CCDC60: variants seen among roughly 807,000 people sequenced by gnomAD.
The protein encoded by CCDC60 is coiled-coil domain containing 60.
Under a neutral mutation model 63.5 loss-of-function variants are expected in CCDC60, and 54 were observed. The ratio of observed to expected loss-of-function variants is 0.85; its 90% CI spans 0.68 to 1.07. CCDC60 has a LOEUF of 1.07. Ranked by LOEUF, CCDC60 falls within the 50% of genes least tolerant of loss-of-function variation. CCDC60 has a pLI of 0.00. For synonymous variants in CCDC60, 206 were observed against 238.8 expected (o/e 0.86, Z 1.27); for missense variants, 651 against 684.3 (o/e 0.95, Z 0.54).
chr12:119,498,352 G>A (rs536818803), intron 5 of CCDC60, among the ~76,000 whole-genome samples: 2 of 151,382 alleles, frequency 1.3e-5, no homozygotes, highest in East Asian at 3.9e-4. Flanking sequence ...CTTTTTTTGA[G>A]ACGGAGTTTC....
At chr12:119,540,561 G>A (rs1953133578) in intron 13 of CCDC60, 53 bp from the exon 14 acceptor site, 1 of 1,254,158 alleles carries the variant, frequency 8.0e-7, no homozygotes, top group Non-Finnish European at 1.2e-6. Context: ...GAGAGAAGGT[G>A]GAGTCTACTT....
chr12:119,532,224 T>G (rs1952864685), intron 13 of CCDC60, among the ~76,000 whole-genome samples: 1 of 152,066 alleles, frequency 6.6e-6, no homozygotes. Context: ...CACCTTCTAT[T>G]TACCAGTTAT....
At chr12:119,335,814 T>C (rs1444688451) in intron 1 of CCDC60, among the ~76,000 whole-genome samples, 1 of 151,046 alleles carries the variant, frequency 6.6e-6, no homozygotes, top group Non-Finnish European at 1.5e-5. Flanking sequence ...TTAGATCCCT[T>C]TTGTCAATTT....
At chr12:119,371,552 G>T (rs1014891221) in intron 1 of CCDC60, among the ~76,000 whole-genome samples, 1 of 152,224 alleles carries the variant, frequency 6.6e-6, no homozygotes, top group African/African-American at 2.4e-5. Context: ...CATGTCTACC[G>T]CTTAAAAGCC....
Position 119,458,437 on chromosome 12 carries a change from A to AT in CCDC60, c.171-13548dup, listed in dbSNP as rs201093698. Among the ~76,000 whole-genome samples the AT allele has an allele frequency of 5.8e-3, 876 of 151,494 alleles. 8 individuals carry two copies. Among genetic ancestry groups the AT allele is most frequent in the African/African-American group, 0.02 (836 of 41,334 alleles). ...CCATTAAAAGTTTATTTTTATTTTT[A>AT]TTTTTTTTTAAGTACATCTGGGCTC... On this transcript the variant is annotated intron_variant, in intron 2 of 13. Coordinates refer to ENST00000327554, the MANE Select transcript of CCDC60 (RefSeq NM_178499.5).
intron 1 of CCDC60, among the ~76,000 whole-genome samples, chr12:119,368,265 C>T (rs112543376): frequency 7.8e-4 from 118 of 152,014 alleles, no homozygotes; most frequent in Middle Eastern, 3.4e-3. Flanking sequence ...AAGAAGAAGA[C>T]GGCTCTGATG....
chr12:119,395,706 A>T (rs1956239924), intron 1 of CCDC60, among the ~76,000 whole-genome samples: 1 of 152,228 alleles, frequency 6.6e-6, no homozygotes, highest in African/African-American at 2.4e-5. Flanking sequence ...ATAACCAATG[A>T]TCACAAATGG....
intron 12 of CCDC60, among the ~76,000 whole-genome samples, chr12:119,530,494 A>G (rs1170783668): frequency 6.6e-6 from 1 of 152,190 alleles, no homozygotes; most frequent in African/African-American, 2.4e-5. Context: ...GAGAGCCTCC[A>G]GCATCCTAGT....
chr12:119,537,283 C>G (rs1179635626), intron 13 of CCDC60, among the ~76,000 whole-genome samples: 1 of 152,216 alleles, frequency 6.6e-6, no homozygotes, highest in Non-Finnish European at 1.5e-5. Flanking sequence ...GTCTTCTCTT[C>G]ACTGTTTATT....
Position 119,420,093 on chromosome 12 carries a change from G to A in CCDC60, c.91-8590G>A, listed in dbSNP as rs1956785076. ...GGGTTTCACCGTGTTAGCCGGGATG[G>A]TCTCGAACTCCTGACCTCGTGATCC... On this transcript the variant is annotated intron_variant, in intron 1 of 13. Coordinates refer to ENST00000327554, the MANE Select transcript of CCDC60 (RefSeq NM_178499.5). This position sits in a 1 kb window ranked among gnomAD's most constrained non-coding sequence, Gnocchi z 4.1. Among the ~76,000 whole-genome samples the A allele has an allele frequency of 6.6e-6, 1 of 151,982 alleles. No individual in the cohort carries two copies. Among genetic ancestry groups the A allele is most frequent in the South Asian group, 2.1e-4 (1 of 4,818 alleles).
intron 1 of CCDC60, among the ~76,000 whole-genome samples, chr12:119,408,939 T>C (rs145563714): frequency 6.6e-6 from 1 of 152,318 alleles, no homozygotes; most frequent in Non-Finnish European, 1.5e-5. Flanking sequence ...AAGCTGGTTT[T>C]CCCCAGATCA....
chr12:119,394,163 A>C (rs1956209452), intron 1 of CCDC60, among the ~76,000 whole-genome samples: 1 of 152,202 alleles, frequency 6.6e-6, no homozygotes, highest in Admixed American at 6.5e-5. Context: ...ACCGCAAAGC[A>C]AGTATTGTTA....
chr12:119,407,180 T>A (rs552212200), intron 1 of CCDC60, among the ~76,000 whole-genome samples: 1 of 152,076 alleles, frequency 6.6e-6, no homozygotes, highest in South Asian at 2.1e-4. Flanking sequence ...AGAAGCCAGG[T>A]GGCCAAGTGC....
At chr12:119,389,992 G>A (rs1470314631) in intron 1 of CCDC60, among the ~76,000 whole-genome samples, 7 of 152,130 alleles carry the variant, frequency 4.6e-5, no homozygotes. Flanking sequence ...TTTCTCCAGA[G>A]GGAAATATGT....
intron 1 of CCDC60, among the ~76,000 whole-genome samples, chr12:119,386,501 G>GAAA (rs56754949): frequency 7.0e-6 from 1 of 142,730 alleles, no homozygotes; most frequent in African/African-American, 2.6e-5. Context: ...TCCACTCTAA[G>GAAA]AAAAAAAAAA....
At chr12:119,538,449 T>C (rs768718702) in intron 13 of CCDC60, among the ~76,000 whole-genome samples, 37 of 152,234 alleles carry the variant, frequency 2.4e-4, no homozygotes, top group Non-Finnish European at 4.7e-4. Context: ...CCCAATGAGA[T>C]GAACCAGGTA....
intron 1 of CCDC60, among the ~76,000 whole-genome samples, chr12:119,341,460 A>C (rs1267276624): frequency 1.3e-5 from 2 of 152,236 alleles, no homozygotes; most frequent in African/African-American, 4.8e-5. Flanking sequence ...GGTGGGTTCA[A>C]ATCCTCTTTT....
intron 1 of CCDC60, among the ~76,000 whole-genome samples, chr12:119,346,828 C>CT (rs1302317973): frequency 1.0e-5 from 1 of 96,770 alleles, no homozygotes; most frequent in Admixed American, 1.1e-4. Context: ...TTCTTTCTTT[C>CT]TTTCTTTTTT....
intron 2 of CCDC60, among the ~76,000 whole-genome samples, chr12:119,460,314 A>G (rs1186808257): frequency 6.6e-6 from 1 of 152,224 alleles, no homozygotes; most frequent in Non-Finnish European, 1.5e-5. Flanking sequence ...GTCTGAGGCA[A>G]CTTCTTTCTT....
Sources: allele counts gnomAD v4.1 joint callset (sites outside exome capture counted in the v4.1 genomes callset), GRCh38; gene constraint gnomAD v4.1.1; non-coding constraint Gnocchi (gnomAD v3.1); transcripts MANE v1.5; gene names NCBI Gene and HGNC (gene_info 2026-07-23, HGNC 2026-07-21).